ARK2N: variants seen among roughly 807,000 people sequenced by gnomAD.
The protein encoded by ARK2N is arkadia (RNF111) N-terminal like PKA signaling regulator 2N, also known as protein ARK2N.
the ARK2N span, among the ~76,000 whole-genome samples, chr18:46,178,630 T>C: frequency 2.6e-5 from 4 of 152,160 alleles, no homozygotes; most frequent in Non-Finnish European, 5.9e-5. Context: ...TTTTTAAAGA[T>C]TTTTCTGGGG....
the ARK2N span, among the ~76,000 whole-genome samples, chr18:46,242,211 G>A: frequency 2.0e-5 from 3 of 152,114 alleles, no homozygotes; most frequent in Non-Finnish European, 4.4e-5. Flanking sequence ...GAGTCTTGCC[G>A]TTAAATATAG....
At chr18:46,179,625 CTT>C in the ARK2N span, among the ~76,000 whole-genome samples, 30 of 136,768 alleles carry the variant, frequency 2.2e-4, no homozygotes, top group Admixed American at 3.0e-4. Flanking sequence ...TTAAAGTTAT[CTT>C]TTTTTTTTTT....
At chr18:46,232,605 A>G in the ARK2N span, 1 of 152,074 alleles carries the variant, frequency 6.6e-6, no homozygotes, top group Non-Finnish European at 1.5e-5. Context: ...TTCTTTACTC[A>G]TTTTTCCCCC....
the ARK2N span, among the ~76,000 whole-genome samples, chr18:46,225,545 G>A: frequency 1.3e-5 from 2 of 152,018 alleles, no homozygotes; most frequent in African/African-American, 2.4e-5. Context: ...TGCAAACTCC[G>A]CCTCCTGGGT....
chr18:46,259,668 T>C, the ARK2N span, among the ~76,000 whole-genome samples: 1 of 152,020 alleles, frequency 6.6e-6, no homozygotes, highest in Admixed American at 6.6e-5. Context: ...TGCAGTAGCA[T>C]GATCTCTGTT....
At chr18:46,263,334 C>T in the ARK2N span, 1 of 455,382 alleles carries the variant, frequency 2.2e-6, no homozygotes, top group East Asian at 3.2e-5. Flanking sequence ...TCTTCTTTCC[C>T]TCAGTAGGAA....
chr18:46,184,421 C>A, the ARK2N span, among the ~76,000 whole-genome samples: 1 of 152,120 alleles, frequency 6.6e-6, no homozygotes, highest in Non-Finnish European at 1.5e-5. Flanking sequence ...TGCGCCCGGC[C>A]TCGAAAACCA....
chr18:46,264,405 A>G, the ARK2N span: 1 of 152,662 alleles, frequency 6.6e-6, no homozygotes, highest in African/African-American at 2.4e-5. Flanking sequence ...GTGAAGTAAT[A>G]TTGGCTTAGA....
chr18:46,243,547 TAAC>T, the ARK2N span, among the ~76,000 whole-genome samples: 1 of 152,230 alleles, frequency 6.6e-6, no homozygotes, highest in Admixed American at 6.5e-5. Flanking sequence ...GTTTTAGTTT[TAAC>T]CTAGGCAAAA....
chr18:46,222,224 T>C, the ARK2N span, among the ~76,000 whole-genome samples: 3 of 152,204 alleles, frequency 2.0e-5, no homozygotes, highest in Admixed American at 6.5e-5. Context: ...AGCAGTGATA[T>C]GTTAAGTTTC....
chr18:46,242,268 C>T, the ARK2N span, among the ~76,000 whole-genome samples: 4 of 152,198 alleles, frequency 2.6e-5, no homozygotes, highest in East Asian at 3.9e-4. Flanking sequence ...TGATTACCAA[C>T]GTTTTGCTCT....
chr18:46,231,566 CTT>C, the ARK2N span, among the ~76,000 whole-genome samples: 1,028 of 100,602 alleles, frequency 0.01, 15 homozygotes, highest in Middle Eastern at 0.03. Flanking sequence ...AGGTTTGGGG[CTT>C]TTTTTTTTTT....
At chr18:46,196,967 AAG>A in the ARK2N span, among the ~76,000 whole-genome samples, 1 of 152,184 alleles carries the variant, frequency 6.6e-6, no homozygotes, top group Non-Finnish European at 1.5e-5. Context: ...AGTGAGAAGA[AAG>A]AGAGCAAAGC....
the ARK2N span, among the ~76,000 whole-genome samples, chr18:46,181,208 A>C: frequency 2.0e-5 from 3 of 151,836 alleles, no homozygotes; most frequent in Non-Finnish European, 2.9e-5. Context: ...TGCAGTGAGC[A>C]GGGATCATGC....
chr18:46,229,513 A>G, the ARK2N span, among the ~76,000 whole-genome samples: 5 of 150,940 alleles, frequency 3.3e-5, no homozygotes, highest in Non-Finnish European at 7.4e-5. Flanking sequence ...ACGCCCGGCT[A>G]ATTTTTTGTA....
At chr18:46,179,995 T>G in the ARK2N span, among the ~76,000 whole-genome samples, 1 of 152,210 alleles carries the variant, frequency 6.6e-6, no homozygotes, top group African/African-American at 2.4e-5. Context: ...TACAGATTTA[T>G]CGGAACATAT....
the ARK2N span, among the ~76,000 whole-genome samples, chr18:46,200,450 GGCAC>G: frequency 6.6e-6 from 1 of 152,156 alleles, no homozygotes; most frequent in East Asian, 1.9e-4. Flanking sequence ...TGGGATTACA[GGCAC>G]GTGCCACCAC....
At chr18:46,226,584 G>A in the ARK2N span, among the ~76,000 whole-genome samples, 1 of 152,174 alleles carries the variant, frequency 6.6e-6, no homozygotes, top group African/African-American at 2.4e-5. Context: ...AGAGCTCATA[G>A]AGTGTGTCAA....
At chr18:46,230,186 A>T in the ARK2N span, among the ~76,000 whole-genome samples, 5 of 152,128 alleles carry the variant, frequency 3.3e-5, no homozygotes, top group Admixed American at 6.5e-5. Flanking sequence ...CAGCCTCCCA[A>T]AGTGCTGGGA....
Sources: gnomAD v4.1 joint callset for allele counts (sites outside exome capture counted in the v4.1 genomes callset) on GRCh38, gnomAD v4.1.1 for gene constraint, MANE v1.5 for transcripts, NCBI Gene and HGNC (gene_info 2026-07-23, HGNC 2026-07-21) for gene names.